ANKRD31: variants seen among roughly 807,000 people sequenced by gnomAD.
ANKRD31 encodes ankyrin repeat domain-containing protein 31.
A neutral mutation model predicts 186.0 loss-of-function variants in ANKRD31; 147 were observed. The observed-to-expected ratio is 0.79, with a 90% CI of 0.69 to 0.91. The LOEUF (loss-of-function observed/expected upper bound fraction) is 0.91, where lower values mean the gene tolerates loss of function less well. Among genes scored for constraint, ANKRD31 ranks in the 40% least tolerant of loss-of-function variants. The pLI is 0.00. For missense variants in ANKRD31, 1,986 were observed against 2,148.8 expected, an observed-to-expected ratio of 0.92 and a Z score of 1.50; for synonymous variants, 673 against 736.4, an observed-to-expected ratio of 0.91 and a Z score of 1.39.
chr5:75,148,295 C>T (rs929925043), intron 13 of ANKRD31, among the ~76,000 whole-genome samples: 5 of 151,906 alleles, frequency 3.3e-5, no homozygotes, highest in African/African-American at 9.6e-5. Context: ...CTTTCCTGTA[C>T]TATGCTTAGG....
At chr5:75,196,233 A>G (rs1215536365) in intron 6 of ANKRD31, 33 bp from the exon 7 acceptor site, 13 of 1,372,476 alleles carry the variant, frequency 9.5e-6, no homozygotes, top group Admixed American at 3.3e-5. Context: ...ACATCATTAC[A>G]GCATATACAA....
intron 12 of ANKRD31, among the ~76,000 whole-genome samples, chr5:75,153,795 A>G (rs1484524462): frequency 6.6e-6 from 1 of 152,146 alleles, no homozygotes; most frequent in East Asian, 1.9e-4. Flanking sequence ...TCAATTTAAT[A>G]GAGCAGTGGA....
At chr5:75,110,424 C>A (rs1353059358) in intron 20 of ANKRD31, among the ~76,000 whole-genome samples, 1 of 151,828 alleles carries the variant, frequency 6.6e-6, no homozygotes, top group Non-Finnish European at 1.5e-5. Context: ...TGAAAAAGCA[C>A]CACTGGGCCA....
intron 17 of ANKRD31, among the ~76,000 whole-genome samples, chr5:75,130,592 T>A (rs1749710863): frequency 6.6e-6 from 1 of 152,078 alleles, no homozygotes; most frequent in Admixed American, 6.6e-5. Context: ...GCATTTACAA[T>A]CCTTTAGCTA....
intron 3 of ANKRD31, among the ~76,000 whole-genome samples, chr5:75,221,088 C>T (rs540199624): frequency 7.2e-5 from 11 of 152,156 alleles, no homozygotes; most frequent in African/African-American, 2.2e-4. Context: ...AACCAAATAA[C>T]GCATGTTCTC....
chr5:75,231,999 T>C (rs1036015195), intron 1 of ANKRD31, among the ~76,000 whole-genome samples: 8 of 152,024 alleles, frequency 5.3e-5, no homozygotes, highest in African/African-American at 1.9e-4. Context: ...AAAAGGACTC[T>C]AATCCTTAAC....
chr5:75,104,208 G>T lies in ANKRD31; in HGVS notation c.5331+20C>A. Reference sequence around the variant, plus strand: ...TATTTATAAAATTTGCATGATTTTAGAGAAAAAAATATAGAATACCTGTGT... The same window carrying T: ...TATTTATAAAATTTGCATGATTTTATAGAAAAAAATATAGAATACCTGTGT... On this transcript the variant is annotated intron_variant, in intron 22 of 25. Coordinates refer to ENST00000506364, the MANE Select transcript of ANKRD31 (RefSeq NM_001372053.1). The T allele has an allele frequency of 6.9e-7, 1 of 1,453,498 alleles. No individual in the cohort carries two copies. The highest frequency in any genetic ancestry group is 1.4e-5 in the South Asian group (1 of 71,190). The allele number at this position is 1,453,498 out of a possible 1,614,324, so 90.0% of individuals were successfully genotyped here.
intron 2 of ANKRD31, among the ~76,000 whole-genome samples, chr5:75,227,284 A>G (rs1757688479): frequency 6.6e-6 from 1 of 152,196 alleles, no homozygotes; most frequent in Non-Finnish European, 1.5e-5. Flanking sequence ...TGGGAAAAAT[A>G]TTGCGGGCTG....
chr5:75,158,137 T>C (rs867631011), intron 11 of ANKRD31, among the ~76,000 whole-genome samples: 1 of 152,146 alleles, frequency 6.6e-6, no homozygotes, highest in South Asian at 2.1e-4. Context: ...TCTGAGTTAC[T>C]GGTCCCTGGC....
At chr5:75,094,747 T>G (rs1028191807) in intron 22 of ANKRD31, among the ~76,000 whole-genome samples, 1 of 152,094 alleles carries the variant, frequency 6.6e-6, no homozygotes, top group African/African-American at 2.4e-5. Context: ...ATTATCAGAC[T>G]GGACTAAAAA....
chr5:75,116,847 T>C (rs1391876309), intron 18 of ANKRD31, among the ~76,000 whole-genome samples, 166 bp from the exon 19 acceptor site: 1 of 152,192 alleles, frequency 6.6e-6, no homozygotes, highest in African/African-American at 2.4e-5. Flanking sequence ...TGGCTAGCAT[T>C]TACTGAGCAC....
chr5:75,085,347 G>A (rs1745402213), intron 23 of ANKRD31, among the ~76,000 whole-genome samples: 1 of 151,920 alleles, frequency 6.6e-6, no homozygotes, highest in Admixed American at 6.6e-5. Context: ...AAAAGACTCT[G>A]AAGTCCCGGC....
intron 17 of ANKRD31, among the ~76,000 whole-genome samples, chr5:75,123,618 G>GA (rs1334239552): frequency 6.6e-6 from 1 of 151,962 alleles, no homozygotes; most frequent in African/African-American, 2.4e-5. Context: ...AAGAATAAAA[G>GA]AATAGAGAAC....
chr5:75,082,012 T>G (rs1379539365), intron 24 of ANKRD31, among the ~76,000 whole-genome samples: 1 of 152,154 alleles, frequency 6.6e-6, no homozygotes, highest in African/African-American at 2.4e-5. Flanking sequence ...GGCCATGAAC[T>G]ACTACAAGAA....
At chr5:75,232,796 CA>C (rs1758027645) in intron 1 of ANKRD31, among the ~76,000 whole-genome samples, 1 of 152,066 alleles carries the variant, frequency 6.6e-6, no homozygotes, top group South Asian at 2.1e-4. Context: ...GAGCTAAAGG[CA>C]ACTTGAAAAA....
chr5:75,181,853 G>T (rs899473882), intron 10 of ANKRD31, among the ~76,000 whole-genome samples: 1 of 151,270 alleles, frequency 6.6e-6, no homozygotes, highest in African/African-American at 2.4e-5. Context: ...CCTGCACATT[G>T]TGCACATGTA....
At chr5:75,120,046 T>C (rs968664282) in intron 17 of ANKRD31, among the ~76,000 whole-genome samples, 3 of 152,052 alleles carry the variant, frequency 2.0e-5, no homozygotes, top group Admixed American at 2.0e-4. Flanking sequence ...TCTTAAATTG[T>C]GTGTTAAAAA....
intron 11 of ANKRD31, among the ~76,000 whole-genome samples, chr5:75,167,403 A>T (rs573949662): frequency 5.9e-5 from 9 of 152,336 alleles, no homozygotes; most frequent in African/African-American, 2.2e-4. Flanking sequence ...CAGCAATCCA[A>T]TACCCAGGGC....
In ANKRD31 at chr5:75,118,822, C is replaced by T. The variant is rs185503627; in HGVS notation, c.3877-525G>A. Among the ~76,000 whole-genome samples, 210 of 152,234 alleles carry T rather than the reference C, an allele frequency of 1.4e-3. 2 individuals carry two copies. Among genetic ancestry groups the T allele is most frequent in the African/African-American group, 4.3e-3 (177 of 41,550 alleles). On this transcript the variant is annotated intron_variant, in intron 17 of 25. Coordinates refer to ENST00000506364, the MANE Select transcript of ANKRD31 (RefSeq NM_001372053.1). ...TTGCATCTTAACGTGGAATTTCTGA[C>T]GCCCAGAAGGATTTAATTTATCTCT...
Sources: allele counts gnomAD v4.1 joint callset (sites outside exome capture counted in the v4.1 genomes callset), GRCh38; gene constraint gnomAD v4.1.1; transcripts MANE v1.5; gene names NCBI Gene and HGNC (gene_info 2026-07-23, HGNC 2026-07-21).